Variants in SPEN observed in about 807,000 individuals in gnomAD.
The protein encoded by SPEN is msx2-interacting protein.
A neutral mutation model predicts 269.9 loss-of-function variants in SPEN; 18 were observed. The observed-to-expected ratio is 0.07, with a 90% CI of 0.05 to 0.10. The LOEUF is 0.10. SPEN is among the 10% of genes least tolerant of loss of function. The pLI, the probability that SPEN is intolerant of heterozygous loss-of-function variation, is 1.00. For missense variants in SPEN, 3,822 were observed against 4,631.2 expected (o/e 0.83, Z 5.07); for synonymous variants, 1,726 against 1,765.7 (o/e 0.98, Z 0.56).
In SPEN at chr1:15,930,383, T is replaced by C. The variant is rs775887611; in HGVS notation, c.4143T>C (p.Asp1381=). 6.2e-7 allele frequency: 1 copy of C among 1,613,622 alleles called. No individual in the cohort carries two copies. Among genetic ancestry groups the C allele is most frequent in the Non-Finnish European group, 8.5e-7 (1 of 1,179,632 alleles). Residue 1381 remains aspartate (D), a synonymous_variant, in exon 11 of 15, where the codon GAT becomes GAC. Transcript: ENST00000375759. This position sits in a 1 kb window ranked among gnomAD's most constrained non-coding sequence, Gnocchi z 5.3. ...RDLEPGEVPS[D]SDEDGEHKSH... is the part of the protein sequence containing the mutation. Reference sequence around the variant, plus strand: ...TGGAACCTGGTGAGGTGCCTTCTGATTCTGACGAAGATGGTGAACACAAAT... The same window carrying C: ...TGGAACCTGGTGAGGTGCCTTCTGACTCTGACGAAGATGGTGAACACAAAT...
intron 1 of SPEN, among the ~76,000 whole-genome samples, chr1:15,858,277 G>C (rs2070407175): frequency 1.3e-5 from 2 of 150,826 alleles, no homozygotes; most frequent in Non-Finnish European, 2.9e-5. Context: ...TTCAGGATCA[G>C]ACTACACCTC....
rs538010335 is a variant in SPEN at position 15,848,880 on chromosome 1, C to T, written c.83+730C>T. ...GGTTGCTAGCCCCGGCGCCCGTAGC[C>T]TCGGGTCGCACTCCCAGGCCGCCCT... On this transcript the variant is annotated intron_variant, in intron 1 of 14. Coordinates refer to ENST00000375759, the MANE Select transcript of SPEN (RefSeq NM_015001.3). This position sits in a 1 kb window ranked among gnomAD's most constrained non-coding sequence, Gnocchi z 5.1. Among the ~76,000 whole-genome samples the T allele has an allele frequency of 6.6e-6, 1 of 152,156 alleles. No individual in the cohort carries two copies. Among genetic ancestry groups the T allele is most frequent in the Admixed American group, 6.6e-5 (1 of 15,266 alleles).
intron 3 of SPEN, among the ~76,000 whole-genome samples, chr1:15,885,399 T>G (rs530659737): frequency 6.6e-6 from 1 of 152,352 alleles, no homozygotes; most frequent in East Asian, 1.9e-4. Flanking sequence ...TTTGGACCTT[T>G]CCAACTGTTA....
intron 2 of SPEN, chr1:15,873,506 A>G (rs1011636859): frequency 1.0e-6 from 1 of 1,004,200 alleles, no homozygotes; most frequent in Admixed American, 5.3e-5. Context: ...TTCATACTAT[A>G]TGGAATATTT....
chr1:15,939,337 T>G lies in SPEN; in HGVS notation c.10905T>G (p.Ser3635=), dbSNP rs1334833198. 1 of 1,606,266 alleles carries G rather than the reference T, an allele frequency of 6.2e-7. No homozygotes were observed. The highest frequency in any genetic ancestry group is 8.5e-7 in the Non-Finnish European group (1 of 1,176,108). The change falls in exon 15 of 15, where the codon TCT becomes TCG. Residue 3635 remains serine (S), a synonymous_variant. Coordinates refer to ENST00000375759, the MANE Select transcript of SPEN (RefSeq NM_015001.3). This position sits in a 1 kb window ranked among gnomAD's most constrained non-coding sequence, Gnocchi z 4.1. ...VLQIFPPCEF[S]ESHLSRLAPD... ...AGATCTTCCCGCCCTGTGAGTTCTC[T>G]GAGAGTCACCTGTCCCGCCTGGCCC...
At position 15,876,351 on chromosome 1, in the gene SPEN, C is replaced by T. The variant is rs1444751567; in HGVS notation, c.554C>T (p.Ala185Val). The change falls in exon 3 of 15, where the codon GCT (alanine) becomes GTT (valine). Residue 185 changes from alanine to valine, a missense_variant. This residue lies in a region of SPEN where 327 missense variants were observed against 350.8 expected (regional missense o/e 0.93). Coordinates refer to ENST00000375759, the MANE Select transcript of SPEN (RefSeq NM_015001.3). ...ACTTTACAACATGGGCTCTATTACG[C>T]TTCTCGGAGTCGAAGTCCAAATCGC... ...ERTLQHGLYYASRSRSPNRFD... is the reference protein window; with the variant it reads ...ERTLQHGLYYVSRSRSPNRFD... 6.2e-7 allele frequency: 1 copy of T among 1,614,116 alleles called. No homozygotes were observed.
In SPEN at chr1:15,928,470, G is replaced by T. The variant is rs1053848007; in HGVS notation, c.2230G>T (p.Ala744Ser). ...GAGTCCTGGAGCGTCTCCCTCTCAG[G>T]CAGAGAGGTTGCCGAGTGATTCTGA... The part of the protein sequence containing the change: ...PQSPGASPSQ[A>S]ERLPSDSERR... The change falls in exon 11 of 15, where the codon GCA becomes TCA. Residue 744 changes from alanine to serine, a missense_variant. By Grantham distance (99) the Ala-to-Ser change is moderately conservative. Around this residue, in one of 16 missense-constraint regions of SPEN, gnomAD observed 572 missense variants for 582.6 expected, o/e 0.98. Coordinates refer to ENST00000375759, the MANE Select transcript of SPEN (RefSeq NM_015001.3). This position sits in a 1 kb window ranked among gnomAD's most constrained non-coding sequence, Gnocchi z 5.7. The T allele has an allele frequency of 4.3e-6, 7 of 1,614,016 alleles. No individual in the cohort carries two copies. The highest frequency in any genetic ancestry group is 5.9e-6 in the Non-Finnish European group (7 of 1,180,020).
At chr1:15,936,381 C>T in intron 11 of SPEN, 115 bp downstream of exon 11, 1 of 1,391,180 alleles carries the variant, frequency 7.2e-7, no homozygotes, top group South Asian at 1.8e-5. Flanking sequence ...TGGCTTATGC[C>T]TGTAATCCCA....
intron 1 of SPEN, among the ~76,000 whole-genome samples, chr1:15,860,506 G>A (rs2070436271): frequency 7.0e-6 from 1 of 142,502 alleles, no homozygotes; most frequent in African/African-American, 2.6e-5. Context: ...TGCCCAGGAT[G>A]GTCTCAAACT....
Position 15,934,334 on chromosome 1 carries a change from T to C in SPEN, c.8094T>C (p.Asn2698=). The change falls in exon 11 of 15, where the codon AAT becomes AAC. Residue 2698 remains asparagine, a synonymous_variant. Transcript: ENST00000375759. This position sits in a 1 kb window ranked among gnomAD's most constrained non-coding sequence, Gnocchi z 9.2. ...TGAACGTCCTGAAAGGGCCTGTGAATGTTCTTACGGGGCCAGTGAATGTTC... is the reference window on the plus strand; with the variant it reads ...TGAACGTCCTGAAAGGGCCTGTGAACGTTCTTACGGGGCCAGTGAATGTTC... The part of the protein sequence containing the change: ...GPVNVLKGPV[N]VLTGPVNVLT... The C allele has an allele frequency of 6.2e-7, 1 of 1,613,818 alleles. No individual in the cohort carries two copies. The highest frequency in any genetic ancestry group is 8.5e-7 in the Non-Finnish European group (1 of 1,180,030).
intron 3 of SPEN, among the ~76,000 whole-genome samples, chr1:15,897,762 G>A (rs2070857084): frequency 6.6e-6 from 1 of 152,182 alleles, no homozygotes; most frequent in South Asian, 2.1e-4. Flanking sequence ...GCCTCCCAAA[G>A]TGCTGGGATT....
rs749563613 is a variant in SPEN, at chr1:15,931,265, G to A, written c.5025G>A (p.Glu1675=). Residue 1675 remains glutamate, a synonymous_variant, in exon 11 of 15, where the codon GAG becomes GAA. Transcript: ENST00000375759. The surrounding 1 kb of genome is among the most constrained non-coding windows in gnomAD (Gnocchi z 4.8). The stretch of plus-strand genomic sequence containing the variant: ...TGGTAACAGAAGAGAAGACTGTGGA[G>A]CCAGCTACCGTCTCAGAAGAAGCAA... ...APLVTEEKTV[E]PATVSEEAKP... is the part of the protein sequence containing the mutation. 1.9e-6 allele frequency: 3 copies of A among 1,614,168 alleles called. No homozygotes were observed. The South Asian group carries it at 3.3e-5, about 18-fold the overall frequency.
In SPEN at chr1:15,864,125, C is replaced by T. The variant is rs573122511; in HGVS notation, c.84-8691C>T. On this transcript the variant is annotated intron_variant, in intron 1 of 14. Transcript: ENST00000375759. Reference sequence around the variant, plus strand: ...TATACATATATGAGGTACCTAGCTACGGTAGTCAACTCCATAAAGACAGCA... The same window carrying T: ...TATACATATATGAGGTACCTAGCTATGGTAGTCAACTCCATAAAGACAGCA... 6.6e-5 allele frequency among the ~76,000 whole-genome samples: 10 copies of T among 150,706 alleles called. No individual in the cohort carries two copies. The East Asian group carries it at 9.9e-4, about 15-fold the overall frequency.
chr1:15,931,245 A>G lies in SPEN; in HGVS notation c.5005A>G (p.Thr1669Ala). 1 of 1,614,216 alleles carries G rather than the reference A, an allele frequency of 6.2e-7. No individual in the cohort carries two copies. The highest frequency in any genetic ancestry group is 8.5e-7 in the Non-Finnish European group (1 of 1,180,040). ...GDKTVEAPLV[T>A]EEKTVEPATV... is the part of the protein sequence containing the mutation. ...CAAAACGGTAGAGGCGCCTTTGGTA[A>G]CAGAAGAGAAGACTGTGGAGCCAGC... Residue 1669 changes from threonine to alanine, a missense_variant, in exon 11 of 15, where the codon ACA becomes GCA. Coordinates refer to ENST00000375759, the MANE Select transcript of SPEN (RefSeq NM_015001.3). This position sits in a 1 kb window ranked among gnomAD's most constrained non-coding sequence, Gnocchi z 4.8.
intron 5 of SPEN, among the ~76,000 whole-genome samples, chr1:15,912,638 A>G (rs1373740238): frequency 6.6e-6 from 1 of 152,216 alleles, no homozygotes; most frequent in African/African-American, 2.4e-5. Flanking sequence ...AAACATAACA[A>G]TTCAAAGGAA....
intron 1 of SPEN, among the ~76,000 whole-genome samples, chr1:15,865,362 G>C (rs1364325045): frequency 1.4e-5 from 2 of 147,186 alleles, no homozygotes; most frequent in Non-Finnish European, 3.0e-5. Context: ...GAGTGTGTTT[G>C]TTTTAATTAC....
At chr1:15,882,852 G>A (rs1441373253) in intron 3 of SPEN, among the ~76,000 whole-genome samples, 1 of 152,172 alleles carries the variant, frequency 6.6e-6, no homozygotes, top group Non-Finnish European at 1.5e-5. Context: ...TAGGTTGGTA[G>A]GCCCTCATGG....
chr1:15,938,737 T>C lies in SPEN; in HGVS notation c.10724T>C (p.Leu3575Pro), dbSNP rs1429946292. 1 of 1,613,740 alleles carries C rather than the reference T, an allele frequency of 6.2e-7. No individual in the cohort carries two copies. Among genetic ancestry groups the C allele is most frequent in the Non-Finnish European group, 8.5e-7 (1 of 1,179,988 alleles). The change falls in exon 14 of 15, where the codon CTG (leucine) becomes CCG (proline). Residue 3575 changes from leucine (L) to proline (P), a missense_variant. Around this residue, in one of 16 missense-constraint regions of SPEN, gnomAD observed 103 missense variants for 215.8 expected, o/e 0.48. Coordinates refer to ENST00000375759, the MANE Select transcript of SPEN (RefSeq NM_015001.3). The stretch of plus-strand genomic sequence containing the variant: ...CCTCAGGTGGAGACAGATTACTGTC[T>C]GCTGCTGGCTCTGCCCTGTGGCCGT... ...RRMTVETDYCLLLALPCGRDQ... is the reference protein window; with the variant it reads ...RRMTVETDYCPLLALPCGRDQ...
At chr1:15,878,594 C>T (rs764616701) in intron 3 of SPEN, among the ~76,000 whole-genome samples, 4 of 152,166 alleles carry the variant, frequency 2.6e-5, no homozygotes, top group African/African-American at 9.7e-5. Flanking sequence ...ATTATAAAAT[C>T]TTGTTCCACT....
Sources: allele counts gnomAD v4.1 joint callset (sites outside exome capture counted in the v4.1 genomes callset), GRCh38; gene constraint gnomAD v4.1.1; regional missense constraint gnomAD v4.1.1; non-coding constraint Gnocchi (gnomAD v3.1); transcripts MANE v1.5; gene names NCBI Gene and HGNC (gene_info 2026-07-23, HGNC 2026-07-21).